SASH1: variants seen among roughly 807,000 people sequenced by gnomAD.
SASH1 encodes the protein SAM and SH3 domain-containing protein 1.
A neutral mutation model predicts 125.2 loss-of-function variants in SASH1; 44 were observed. The observed-to-expected ratio is 0.35, with a 90% CI of 0.28 to 0.45. The LOEUF (loss-of-function observed/expected upper bound fraction) is 0.45, where lower values mean the gene tolerates loss of function less well. Among genes scored for constraint, SASH1 ranks in the 20% least tolerant of loss-of-function variants. The pLI is 1.00. For synonymous variants in SASH1, 639 were observed against 649.1 expected (o/e 0.98, Z 0.24); for missense variants, 1,426 against 1,614.5 (o/e 0.88, Z 2.00).
intron 17 of SASH1, 37 bp downstream of exon 17, chr6:148,540,593 C>G (rs1285922859): frequency 6.8e-7 from 1 of 1,462,732 alleles, no homozygotes; most frequent in African/African-American, 1.4e-5. Context: ...CCTGCTTTGA[C>G]AAGTACTGAT....
At chr6:148,493,840 AAG>A (rs1779207885) in intron 8 of SASH1, among the ~76,000 whole-genome samples, 1 of 152,208 alleles carries the variant, frequency 6.6e-6, no homozygotes, top group Admixed American at 6.5e-5. Context: ...AAAGTTTTAA[AAG>A]AGATTTTTGG....
chr6:148,541,656 G>T (rs1268279139), intron 17 of SASH1, among the ~76,000 whole-genome samples: 3 of 152,116 alleles, frequency 2.0e-5, no homozygotes, highest in African/African-American at 4.8e-5. Flanking sequence ...AGGAAAGTGG[G>T]TGTCCAGGAT....
At chr6:148,213,505 G>GGGGTGTGTGTGTGTGTGTGTGTGT in the SASH1 span, among the ~76,000 whole-genome samples, 1 of 148,352 alleles carries the variant, frequency 6.7e-6, no homozygotes, top group Non-Finnish European at 1.5e-5. Flanking sequence ...CTAGCCAAAG[G>GGGGTGTGTGTGTGTGTGTGTGTGT]GTGTGTGTGT....
intron 2 of SASH1, among the ~76,000 whole-genome samples, chr6:148,431,098 A>G (rs1429238339): frequency 2.6e-5 from 4 of 152,254 alleles, no homozygotes; most frequent in African/African-American, 7.2e-5. Context: ...GAAGGACTAC[A>G]AGTGGAATGG....
intron 1 of SASH1, among the ~76,000 whole-genome samples, chr6:148,304,839 C>T (rs1406805016): frequency 6.6e-6 from 1 of 152,086 alleles, no homozygotes; most frequent in African/African-American, 2.4e-5. Context: ...ATCAGCCTGG[C>T]CGACATGGTA....
At chr6:148,520,982 C>T (rs1780771082) in intron 10 of SASH1, among the ~76,000 whole-genome samples, 1 of 152,122 alleles carries the variant, frequency 6.6e-6, no homozygotes, top group Non-Finnish European at 1.5e-5. Context: ...ATAAACAAAT[C>T]AACATTTGGA....
the SASH1 span, among the ~76,000 whole-genome samples, chr6:148,257,012 T>G: frequency 2.6e-5 from 4 of 152,194 alleles, no homozygotes; most frequent in Non-Finnish European, 4.4e-5. Context: ...CTCTGGAATA[T>G]ATTAAAGCCA....
chr6:148,280,305 A>G (rs1280257546), intron 1 of SASH1: 2 of 151,862 alleles, frequency 1.3e-5, no homozygotes, highest in South Asian at 4.2e-4. Context: ...ACTGATGCTC[A>G]CTGCAGGCCA....
the SASH1 span, among the ~76,000 whole-genome samples, chr6:148,204,895 A>G: frequency 6.6e-6 from 1 of 152,160 alleles, no homozygotes; most frequent in African/African-American, 2.4e-5. Flanking sequence ...TGCATGAGCT[A>G]TCATGGTCCT....
At chr6:148,425,900 T>A (rs1195119937) in intron 2 of SASH1, among the ~76,000 whole-genome samples, 1 of 151,914 alleles carries the variant, frequency 6.6e-6, no homozygotes, top group Non-Finnish European at 1.5e-5. Context: ...CAATGGTCAT[T>A]AGGTATTACT....
chr6:148,457,060 CAA>C (rs111593911), intron 4 of SASH1, among the ~76,000 whole-genome samples: 136 of 105,506 alleles, frequency 1.3e-3, no homozygotes, highest in African/African-American at 4.0e-3. Flanking sequence ...TTCCTTAAGA[CAA>C]AAAAAAAAAA....
chr6:148,500,806 T>C (rs1293261821), intron 8 of SASH1, among the ~76,000 whole-genome samples: 1 of 152,124 alleles, frequency 6.6e-6, no homozygotes, highest in Non-Finnish European at 1.5e-5. Flanking sequence ...TTGTTTGTTT[T>C]TTCTTCTTGG....
intron 2 of SASH1, among the ~76,000 whole-genome samples, chr6:148,437,648 C>G (rs898743409): frequency 6.6e-6 from 1 of 152,154 alleles, no homozygotes; most frequent in Non-Finnish European, 1.5e-5. Flanking sequence ...CACAAGACGG[C>G]ATTGCGTGAT....
chr6:148,333,759 C>T (rs1431379967), intron 1 of SASH1, among the ~76,000 whole-genome samples: 1 of 151,824 alleles, frequency 6.6e-6, no homozygotes, highest in Non-Finnish European at 1.5e-5. Flanking sequence ...TGGGGTTTCT[C>T]CATGTTGGTC....
At chr6:148,456,105 C>T (rs118079819) in intron 4 of SASH1, among the ~76,000 whole-genome samples, 210 of 152,312 alleles carry the variant, frequency 1.4e-3, no homozygotes, top group Non-Finnish European at 2.0e-3. Context: ...AAAGTCCTGA[C>T]CTGCTTCCGG....
chr6:148,310,424 G>GAA (rs5880770), intron 1 of SASH1, among the ~76,000 whole-genome samples: 1 of 141,224 alleles, frequency 7.1e-6, no homozygotes, highest in Non-Finnish European at 1.5e-5. Context: ...ATCCATATGT[G>GAA]AAAAAAAAAA....
the SASH1 span, among the ~76,000 whole-genome samples, chr6:148,244,677 C>A: frequency 6.6e-6 from 1 of 152,128 alleles, no homozygotes; most frequent in Non-Finnish European, 1.5e-5. Flanking sequence ...GTTGTTGCTG[C>A]TGTTGTTTCT....
intron 2 of SASH1, among the ~76,000 whole-genome samples, chr6:148,400,522 G>C (rs996280538): frequency 1.3e-5 from 2 of 152,206 alleles, no homozygotes; most frequent in East Asian, 3.9e-4. Context: ...GGCAGAGGCA[G>C]GTGGATCCTT....
intron 1 of SASH1, among the ~76,000 whole-genome samples, chr6:148,321,386 G>A (rs371442759): frequency 0.028 from 1,900 of 67,388 alleles, 36 homozygotes; most frequent in African/African-American, 0.096. Context: ...GTGAAACTCT[G>A]TCTTAAAAAA....
Sources: allele counts gnomAD v4.1 joint callset (sites outside exome capture counted in the v4.1 genomes callset), GRCh38; gene constraint gnomAD v4.1.1; transcripts MANE v1.5; gene names NCBI Gene and HGNC (gene_info 2026-07-23, HGNC 2026-07-21).